Variants in ACSS2 observed in about 807,000 individuals in gnomAD.
ACSS2 encodes acetyl-coenzyme A synthetase, cytoplasmic.
Under a neutral mutation model 90.6 loss-of-function variants are expected in ACSS2, and 58 were observed. That is an observed-to-expected ratio of 0.64 (90% CI 0.52 to 0.80). ACSS2 has a LOEUF of 0.80. Ranked by LOEUF, ACSS2 falls within the 30% of genes least tolerant of loss-of-function variation. ACSS2 has a pLI of 0.00. For synonymous variants in ACSS2, 300 were observed against 330.9 expected (o/e 0.91, Z 1.01); for missense variants, 759 against 912.0 (o/e 0.83, Z 2.16).
chr20:34,902,022 A>C (rs1431776792), intron 2 of ACSS2, among the ~76,000 whole-genome samples: 1 of 152,098 alleles, frequency 6.6e-6, no homozygotes, highest in Non-Finnish European at 1.5e-5. Context: ...CATCTCTAAC[A>C]GAAAGGTTTT....
chr20:34,880,221 A>G (rs2080036996), intron 1 of ACSS2, among the ~76,000 whole-genome samples: 1 of 152,052 alleles, frequency 6.6e-6, no homozygotes, highest in African/African-American at 2.4e-5. Flanking sequence ...TCTATTCCCT[A>G]TAGTTGAGAT....
chr20:34,915,318 G>T, intron 7 of ACSS2: 3 of 1,604,258 alleles, frequency 1.9e-6, no homozygotes, highest in Non-Finnish European at 2.6e-6. Context: ...GTGCTCATCT[G>T]CCCTTTGCCT....
Position 34,927,397 on chromosome 20 carries a change from G to A in ACSS2, c.*183G>A, listed in dbSNP as rs2081344015. 6.3e-6 allele frequency: 5 copies of A among 791,288 alleles called. No individual in the cohort carries two copies. Among genetic ancestry groups the A allele is most frequent in the Non-Finnish European group, 2.0e-6 (1 of 497,232 alleles). The allele number at this position is 791,288 out of a possible 1,614,324, so 49.0% of individuals were successfully genotyped here. A position where few individuals can be genotyped will look rare whatever the true frequency, so the allele number is the denominator to read the frequency against. On this transcript the variant is annotated 3_prime_UTR_variant, in exon 18 of 18. Transcript: ENST00000360596. The surrounding 1 kb of genome is among the most constrained non-coding windows in gnomAD (Gnocchi z 4.2). ...CATCCTGTGACTGCCAGGCAGAAAG[G>A]ACAGGGCCCAGGTCAGCCTCAGTCT...
chr20:34,899,926 G>C (rs1394324551), intron 2 of ACSS2, among the ~76,000 whole-genome samples: 1 of 152,156 alleles, frequency 6.6e-6, no homozygotes, highest in Non-Finnish European at 1.5e-5. Context: ...TGGGTATATA[G>C]CTAGGAGTTT....
chr20:34,911,514 G>A (rs2080958282), intron 2 of ACSS2, among the ~76,000 whole-genome samples: 1 of 151,824 alleles, frequency 6.6e-6, no homozygotes, highest in African/African-American at 2.4e-5. Context: ...TTTTAGAGAT[G>A]CGGTCTTGCT....
intron 2 of ACSS2, among the ~76,000 whole-genome samples, chr20:34,896,838 G>C (rs1334957164): frequency 6.6e-6 from 1 of 152,206 alleles, no homozygotes; most frequent in Non-Finnish European, 1.5e-5. Context: ...GAGGTCAAGA[G>C]CCTGGCCAAC....
At chr20:34,892,395 C>G (rs2080356462) in intron 2 of ACSS2, among the ~76,000 whole-genome samples, 2 of 152,010 alleles carry the variant, frequency 1.3e-5, no homozygotes, top group South Asian at 4.1e-4. Flanking sequence ...ATTCAAGACT[C>G]TCAGTTTCAG....
chr20:34,919,378 G>A, intron 7 of ACSS2, 57 bp from the exon 8 acceptor site: 9 of 1,605,280 alleles, frequency 5.6e-6, no homozygotes, highest in Non-Finnish European at 7.7e-6. Flanking sequence ...GCAAGGTACG[G>A]GTGTATCTTG....
rs758227933 is a variant in ACSS2 at position 34,914,113 on chromosome 20, G to C, written c.661G>C (p.Glu221Gln). The C allele has an allele frequency of 1.2e-6, 2 of 1,614,048 alleles. No individual in the cohort carries two copies. The highest frequency in any genetic ancestry group is 3.3e-5 in the Admixed American group (2 of 60,000). Residue 221 changes from glutamate (E) to glutamine (Q), a missense_variant, in exon 6 of 18, where the codon GAA becomes CAA. Glu to Gln is a conservative substitution (Grantham distance 29). Transcript: ENST00000360596. ...LITTDAFYRG[E>Q]KLVNLKELAD... The stretch of plus-strand genomic sequence containing the variant: ...CCCCAAAGATGCCTTCTACAGGGGG[G>C]AAAAGCTTGTGAACCTGAAGGAGCT...
chr20:34,919,392 C>T (rs2081144001), intron 7 of ACSS2, 43 bp from the exon 8 acceptor site: 1 of 1,610,288 alleles, frequency 6.2e-7, no homozygotes, highest in Non-Finnish European at 8.5e-7. Context: ...TATCTTGTCC[C>T]CATCTTGAGC....
At chr20:34,901,761 C>T (rs1482111317) in intron 2 of ACSS2, among the ~76,000 whole-genome samples, 2 of 152,134 alleles carry the variant, frequency 1.3e-5, no homozygotes, top group African/African-American at 4.8e-5. Flanking sequence ...TTTCAAGGCC[C>T]CACTCCCTGG....
In ACSS2 at chr20:34,927,350, C is replaced by A; in HGVS notation, c.*136C>A. ...CCAGCTGTCTGGGACCGGAAACCAGCTTTGTCTCCAGGTAGAGACAACATC... is the reference window on the plus strand; with the variant it reads ...CCAGCTGTCTGGGACCGGAAACCAGATTTGTCTCCAGGTAGAGACAACATC... On this transcript the variant is annotated 3_prime_UTR_variant, in exon 18 of 18. Transcript: ENST00000360596. The surrounding 1 kb of genome is among the most constrained non-coding windows in gnomAD (Gnocchi z 4.2). The A allele has an allele frequency of 8.2e-7, 1 of 1,222,122 alleles. No homozygotes were observed. The highest frequency in any genetic ancestry group is 1.2e-6 in the Non-Finnish European group (1 of 862,764). 75.7% of individuals were successfully genotyped at this position (1,222,122 alleles called of 1,614,324 possible).
At chr20:34,888,760 A>G (rs2080259895) in intron 2 of ACSS2, among the ~76,000 whole-genome samples, 1 of 152,198 alleles carries the variant, frequency 6.6e-6, no homozygotes. Context: ...ATCTGAAGGA[A>G]AGTATGGAGT....
At position 34,882,933 on chromosome 20, in the gene ACSS2, T is replaced by C. The variant is rs376193366; in HGVS notation, c.318T>C (p.Asn106=). Residue 106 remains asparagine, a synonymous_variant, in exon 2 of 18, where the codon AAT becomes AAC. Transcript: ENST00000360596. ...GAGCAACTACCAACATCTGCTACAA[T>C]GTACTGGATCGAAATGTCCATGAGA... The part of the protein sequence containing the change: ...MKGATTNICY[N]VLDRNVHEKK... 1.3e-4 allele frequency: 210 copies of C among 1,612,008 alleles called. 3 individuals carry two copies. The highest frequency in any genetic ancestry group is 1.1e-4 in the Non-Finnish European group (126 of 1,179,476).
At chr20:34,913,075 G>T (rs372464116) in intron 2 of ACSS2, 21 bp from the exon 3 acceptor site, 111 of 1,593,586 alleles carry the variant, frequency 7.0e-5, no homozygotes, top group Non-Finnish European at 8.9e-5. Context: ...CTAATCACTG[G>T]TTCTTTCTGG....
rs775012077 is a variant in ACSS2, at chr20:34,926,158, G to A, written c.1780G>A (p.Val594Ile). 51 of 1,614,134 alleles carry A rather than the reference G, an allele frequency of 3.2e-5. No individual in the cohort carries two copies. Among genetic ancestry groups the A allele is most frequent in the Non-Finnish European group, 4.2e-5 (50 of 1,180,052 alleles). Reference protein sequence around the residue: ...VESALVEHEAVAEAAVVGHPH... With the variant: ...VESALVEHEAIAEAAVVGHPH... ...GTCAGCACTTGTGGAACATGAGGCT[G>A]TTGCAGAGGCAGCTGTGGTGGGCCA... The change falls in exon 16 of 18, where the codon GTT (valine) becomes ATT (isoleucine). Residue 594 changes from valine to isoleucine, a missense_variant. Transcript: ENST00000360596.
At position 34,914,343 on chromosome 20, in the gene ACSS2, G is replaced by A. The variant is rs2081032923; in HGVS notation, c.740G>A (p.Cys247Tyr). ...CQEKGFPVRC[C>Y]IVVKHLGRAE... ...TCCAGGGGTTTCCCAGTAAGATGCT[G>A]CATTGTGGTCAAGCACCTGGGGCGG... Residue 247 changes from cysteine (C) to tyrosine (Y), a missense_variant, in exon 7 of 18, where the codon TGC (cysteine) becomes TAC (tyrosine). Physicochemically the swap from Cys to Tyr is radical, Grantham distance 194. Coordinates refer to ENST00000360596, the MANE Select transcript of ACSS2 (RefSeq NM_018677.4). 4.3e-6 allele frequency: 7 copies of A among 1,613,650 alleles called. No individual in the cohort carries two copies. In the East Asian group the frequency reaches 1.3e-4, roughly 31 times the overall value.
chr20:34,913,570 T>G (rs1174105701), intron 4 of ACSS2, 74 bp downstream of exon 4: 1 of 1,429,814 alleles, frequency 7.0e-7, no homozygotes, highest in African/African-American at 1.4e-5. Flanking sequence ...GCCTAGATGA[T>G]GGAGGGTCTT....
rs755298916 is a variant in ACSS2 at position 34,927,285 on chromosome 20, G to A, written c.*71G>A. ...GCCCATCCTCTTTGCCCCCTCAGGA[G>A]TGCTGAGGGCCAGTGTTGACCCACA... On this transcript the variant is annotated 3_prime_UTR_variant, in exon 18 of 18. Transcript: ENST00000360596. The surrounding 1 kb of genome is among the most constrained non-coding windows in gnomAD (Gnocchi z 4.2). 6.9e-6 allele frequency: 11 copies of A among 1,587,240 alleles called. No individual in the cohort carries two copies. Among genetic ancestry groups the A allele is most frequent in the Admixed American group, 1.7e-5 (1 of 59,908 alleles).
Sources: gnomAD v4.1 joint callset for allele counts (sites outside exome capture counted in the v4.1 genomes callset) on GRCh38, gnomAD v4.1.1 for gene constraint, Gnocchi (gnomAD v3.1) non-coding constraint, MANE v1.5 for transcripts, NCBI Gene and HGNC (gene_info 2026-07-23, HGNC 2026-07-21) for gene names.